Variants in UGGT2 observed in about 807,000 individuals in gnomAD.
UGGT2 encodes the protein UDP-glucose glycoprotein glucosyltransferase 2.
In UGGT2, 180 loss-of-function variants were observed where a neutral mutation model predicts 192.1. The observed-to-expected ratio is 0.94, with a 90% CI of 0.83 to 1.06. The LOEUF is 1.06. UGGT2 is among the 50% of genes least tolerant of loss of function. The pLI, the probability that UGGT2 is intolerant of heterozygous loss-of-function variation, is 0.00. For synonymous variants in UGGT2, 580 were observed against 591.0 expected (o/e 0.98, Z 0.27); for missense variants, 1,849 against 1,795.7 (o/e 1.03, Z -0.54).
At chr13:95,823,769 G>C (rs546584160) in intron 38 of UGGT2, among the ~76,000 whole-genome samples, 1 of 152,146 alleles carries the variant, frequency 6.6e-6, no homozygotes, top group East Asian at 1.9e-4. Flanking sequence ...AATGTTAATA[G>C]AGATATGGGG....
At chr13:95,949,627 C>A (rs775166366) in intron 12 of UGGT2, among the ~76,000 whole-genome samples, 173 bp from the exon 13 acceptor site, 1 of 152,164 alleles carries the variant, frequency 6.6e-6, no homozygotes, top group Non-Finnish European at 1.5e-5. Context: ...TTATGTGCAA[C>A]AATTTTATAC....
chr13:96,041,983 G>C (rs1187225754), intron 1 of UGGT2, among the ~76,000 whole-genome samples: 1 of 152,032 alleles, frequency 6.6e-6, no homozygotes, highest in African/African-American at 2.4e-5. Context: ...AGGAGTTCCA[G>C]GGCCCACCCA....
chr13:95,906,701 T>G lies in UGGT2; in HGVS notation c.2296-3641A>C, dbSNP rs534297377. ...ATGTTAAAAGCAAAAGCTAAAATCT[T>G]GAAAAGAAGAGAAATGCTTTTTTCA... On this transcript the variant is annotated intron_variant, in intron 20 of 38. Coordinates refer to ENST00000376747, the MANE Select transcript of UGGT2 (RefSeq NM_020121.4). Among the ~76,000 whole-genome samples, 3 of 152,318 alleles carry G rather than the reference T, an allele frequency of 2.0e-5. No individual in the cohort carries two copies. In the East Asian group the frequency reaches 5.8e-4, roughly 29 times the overall value.
intron 5 of UGGT2, among the ~76,000 whole-genome samples, chr13:96,003,616 C>A (rs914119156): frequency 5.3e-5 from 8 of 152,094 alleles, no homozygotes; most frequent in Non-Finnish European, 1.0e-4. Flanking sequence ...CTTTTTGGGA[C>A]CCTAAGCCAT....
At chr13:95,834,472 C>A (rs534360705) in intron 37 of UGGT2, among the ~76,000 whole-genome samples, 2 of 152,206 alleles carry the variant, frequency 1.3e-5, no homozygotes, top group East Asian at 3.9e-4. Context: ...AGTACTGAGG[C>A]TGAAAAACTC....
chr13:95,979,944 T>C (rs1325830996), intron 10 of UGGT2, among the ~76,000 whole-genome samples: 4 of 152,162 alleles, frequency 2.6e-5, no homozygotes, highest in Admixed American at 2.6e-4. Flanking sequence ...CACAATGCAA[T>C]ACCACCTCAC....
chr13:95,999,574 T>A (rs2051733093), intron 5 of UGGT2, among the ~76,000 whole-genome samples: 1 of 152,194 alleles, frequency 6.6e-6, no homozygotes, highest in Non-Finnish European at 1.5e-5. Context: ...AAATATCTGA[T>A]CTTTTCCTGT....
intron 22 of UGGT2, among the ~76,000 whole-genome samples, chr13:95,900,423 A>G (rs1457028859): frequency 6.6e-6 from 1 of 152,148 alleles, no homozygotes; most frequent in Non-Finnish European, 1.5e-5. Flanking sequence ...GCCATTTAAC[A>G]TACACAACTG....
At chr13:95,846,371 G>A (rs1184685990) in intron 36 of UGGT2, among the ~76,000 whole-genome samples, 5 of 151,932 alleles carry the variant, frequency 3.3e-5, no homozygotes, top group East Asian at 1.9e-4. Flanking sequence ...CCAAGATGGC[G>A]GCAGTACAGT....
intron 36 of UGGT2, among the ~76,000 whole-genome samples, chr13:95,842,398 T>C (rs1887961904): frequency 6.6e-6 from 1 of 152,254 alleles, no homozygotes; most frequent in South Asian, 2.1e-4. Flanking sequence ...GTTGTCTGTG[T>C]ATAAATAATT....
At chr13:95,819,029 T>G (rs1885219195) in intron 38 of UGGT2, among the ~76,000 whole-genome samples, 2 of 152,172 alleles carry the variant, frequency 1.3e-5, no homozygotes, top group Non-Finnish European at 2.9e-5. Context: ...ATTCAAAAAT[T>G]CATTCAAAAT....
In UGGT2 at chr13:95,801,821, G is replaced by A. The variant is rs1466831416; in HGVS notation, c.4529-9C>T. 6.2e-6 allele frequency: 10 copies of A among 1,613,540 alleles called. No individual in the cohort carries two copies. Among genetic ancestry groups the A allele is most frequent in the Non-Finnish European group, 8.5e-6 (10 of 1,179,724 alleles). ...TTCATCATGTGTCAAAACTATAAGG[G>A]AGAAAAGTTTATTTAGCTTCTGGCA... On this transcript the variant is annotated splice_polypyrimidine_tract_variant and intron_variant, in intron 38 of 38. Coordinates refer to ENST00000376747, the MANE Select transcript of UGGT2 (RefSeq NM_020121.4).
At chr13:95,967,504 C>T (rs868617516) in intron 12 of UGGT2, among the ~76,000 whole-genome samples, 15 of 144,142 alleles carry the variant, frequency 1.0e-4, no homozygotes, top group East Asian at 2.1e-4. Flanking sequence ...GATGGAGTCT[C>T]GCTCTATCGC....
intron 16 of UGGT2, among the ~76,000 whole-genome samples, chr13:95,939,476 C>CTTTTTTTTTT (rs35091779): frequency 1.8e-5 from 2 of 109,140 alleles, no homozygotes; most frequent in Non-Finnish European, 3.7e-5. Context: ...GAGTTGTTGC[C>CTTTTTTTTTT]TTTTTTTTTT....
chr13:95,889,962 C>G (rs967061826), intron 25 of UGGT2, among the ~76,000 whole-genome samples: 4 of 152,180 alleles, frequency 2.6e-5, no homozygotes, highest in Non-Finnish European at 4.4e-5. Context: ...TGCTTCGTGA[C>G]AGCTCAACAA....
intron 4 of UGGT2, among the ~76,000 whole-genome samples, chr13:96,016,601 A>G (rs187452504): frequency 6.6e-6 from 1 of 152,314 alleles, no homozygotes; most frequent in Admixed American, 6.5e-5. Flanking sequence ...AGCATGAAGG[A>G]GGCTTGGAGG....
At position 95,878,457 on chromosome 13, in the gene UGGT2, C is replaced by T. The variant is rs189531267; in HGVS notation, c.3229-601G>A. ...TTTGTAAGAAAGTAACCTGCCTTTTCATTAAACATGGTTTTCTAAGAACAT... is the reference window on the plus strand; with the variant it reads ...TTTGTAAGAAAGTAACCTGCCTTTTTATTAAACATGGTTTTCTAAGAACAT... On this transcript the variant is annotated intron_variant, in intron 27 of 38. Transcript: ENST00000376747. Among the ~76,000 whole-genome samples the T allele has an allele frequency of 2.0e-5, 3 of 152,228 alleles. No individual in the cohort carries two copies. The East Asian group carries it at 5.8e-4, about 29-fold the overall frequency.
intron 21 of UGGT2, among the ~76,000 whole-genome samples, chr13:95,901,472 C>A (rs371975670): frequency 5.3e-5 from 8 of 152,180 alleles, no homozygotes; most frequent in African/African-American, 1.9e-4. Flanking sequence ...GCTCATTGCA[C>A]CTTCATACTA....
chr13:95,973,738 T>C (rs541404367), intron 10 of UGGT2, among the ~76,000 whole-genome samples: 2 of 152,214 alleles, frequency 1.3e-5, no homozygotes, highest in African/African-American at 2.4e-5. Flanking sequence ...GTGAAGATCA[T>C]GCTTGGTTTA....
Sources: gnomAD v4.1 joint callset for allele counts (sites outside exome capture counted in the v4.1 genomes callset) on GRCh38, gnomAD v4.1.1 for gene constraint, MANE v1.5 for transcripts, NCBI Gene and HGNC (gene_info 2026-07-23, HGNC 2026-07-21) for gene names.